CYB5R4: variants seen among roughly 807,000 people sequenced by gnomAD.
CYB5R4 encodes the protein N-terminal cytochrome b5 and cytochrome b5 oxidoreductase domain-containing protein.
Under a neutral mutation model 70.2 loss-of-function variants are expected in CYB5R4, and 55 were observed. That is an observed-to-expected ratio of 0.78 (90% CI 0.63 to 0.98). CYB5R4 has a LOEUF of 0.98. Among genes scored for constraint, CYB5R4 ranks in the 50% least tolerant of loss-of-function variants. The pLI is 0.00. For synonymous variants in CYB5R4, 197 were observed against 199.5 expected, an observed-to-expected ratio of 0.99 and a Z score of 0.11; for missense variants, 562 against 612.6, an observed-to-expected ratio of 0.92 and a Z score of 0.87.
intron 6 of CYB5R4, among the ~76,000 whole-genome samples, chr6:83,918,925 C>G (rs1190508550): frequency 6.6e-6 from 1 of 152,064 alleles, no homozygotes; most frequent in Non-Finnish European, 1.5e-5. Flanking sequence ...TGATCAATAG[C>G]TGTAACAAAA....
At chr6:83,889,543 G>A (rs1203369205) in intron 2 of CYB5R4, among the ~76,000 whole-genome samples, 1 of 152,176 alleles carries the variant, frequency 6.6e-6, no homozygotes, top group Non-Finnish European at 1.5e-5. Flanking sequence ...TCAATGTTGA[G>A]ACCTACTGCT....
In CYB5R4 at chr6:83,927,278, A is replaced by G. The variant is rs139442761; in HGVS notation, c.814+2686A>G. Among the ~76,000 whole-genome samples, 44 of 152,330 alleles carry G rather than the reference A, an allele frequency of 2.9e-4. 2 individuals are homozygous for G. The East Asian group carries it at 8.3e-3, about 29-fold the overall frequency. On this transcript the variant is annotated intron_variant, in intron 10 of 15. Transcript: ENST00000369681. ...TCTTACCGCTCCACTCAGAACACTA[A>G]AATGTGAGATTTCTTCTCACCAACA...
In CYB5R4 at chr6:83,908,753, A is replaced by T. The variant is rs574663539; in HGVS notation, c.331-256A>T. Reference sequence around the variant, plus strand: ...AACTTTTTATTAGTATTATCATGAAACAAATTGAGACCTCATGGAGACCTG... The same window carrying T: ...AACTTTTTATTAGTATTATCATGAATCAAATTGAGACCTCATGGAGACCTG... On this transcript the variant is annotated intron_variant, in intron 3 of 15. Transcript: ENST00000369681. Among the ~76,000 whole-genome samples the T allele has an allele frequency of 2.0e-5, 3 of 152,340 alleles. 1 individual carries two copies. Among genetic ancestry groups the T allele is most frequent in the Admixed American group, 2.0e-4 (3 of 15,300 alleles).
chr6:83,902,770 T>G (rs533599404), intron 3 of CYB5R4, among the ~76,000 whole-genome samples: 9 of 152,174 alleles, frequency 5.9e-5, no homozygotes, highest in Admixed American at 3.3e-4. Context: ...TCTGTAGCTT[T>G]CTTTCTTTCT....
intron 10 of CYB5R4, among the ~76,000 whole-genome samples, chr6:83,928,274 G>A (rs2099467642): frequency 6.6e-6 from 1 of 152,188 alleles, no homozygotes. Context: ...ATGAAACAGA[G>A]TATGGGAAAT....
At chr6:83,948,654 A>C (rs1282968466) in intron 14 of CYB5R4, among the ~76,000 whole-genome samples, 1 of 152,184 alleles carries the variant, frequency 6.6e-6, no homozygotes, top group African/African-American at 2.4e-5. Flanking sequence ...TTTTAGGAAT[A>C]GACATTGTAC....
Position 83,934,651 on chromosome 6 carries a change from A to G in CYB5R4, c.871A>G (p.Arg291Gly), listed in dbSNP as rs2099468650. ...CAAGGAAGATGTTACTCATGATACG[A>G]GGCTTTTCTGTTTGATGCTGCCACC... is the stretch of plus-strand genomic sequence containing the variant. ...ISKEDVTHDT[R>G]LFCLMLPPST... The change falls in exon 11 of 16, where the codon AGG becomes GGG. Residue 291 changes from arginine (R) to glycine (G), a missense_variant. Physicochemically the swap from Arg to Gly is moderately radical, Grantham distance 125. Transcript: ENST00000369681. 6.2e-7 allele frequency: 1 copy of G among 1,613,418 alleles called. No individual in the cohort carries two copies. Among genetic ancestry groups the G allele is most frequent in the Non-Finnish European group, 8.5e-7 (1 of 1,179,420 alleles).
At chr6:83,941,908 C>T (rs1306397786) in intron 14 of CYB5R4, among the ~76,000 whole-genome samples, 1 of 152,168 alleles carries the variant, frequency 6.6e-6, no homozygotes, top group Admixed American at 6.5e-5. Flanking sequence ...CCATTCTGCT[C>T]CTCACCAGCA....
chr6:83,926,632 G>A (rs1332135587), intron 10 of CYB5R4, among the ~76,000 whole-genome samples: 3 of 152,148 alleles, frequency 2.0e-5, no homozygotes, highest in Non-Finnish European at 2.9e-5. Flanking sequence ...ACATTCTGAA[G>A]TGTTGGGGGT....
intron 14 of CYB5R4, 147 bp from the exon 15 acceptor site, chr6:83,955,151 A>T: frequency 1.6e-6 from 1 of 609,186 alleles, no homozygotes; most frequent in Non-Finnish European, 2.6e-6. Context: ...TAAATCTTAC[A>T]ATTTTTTTCA....
chr6:83,933,508 A>T (rs1410033619), intron 10 of CYB5R4, among the ~76,000 whole-genome samples: 1 of 152,148 alleles, frequency 6.6e-6, no homozygotes, highest in Admixed American at 6.5e-5. Flanking sequence ...CACCTACTTG[A>T]ATATTTTTAG....
At chr6:83,955,150 C>A (rs923659242) in intron 14 of CYB5R4, 148 bp from the exon 15 acceptor site, 10 of 595,866 alleles carry the variant, frequency 1.7e-5, no homozygotes, top group African/African-American at 3.8e-5. Flanking sequence ...TTAAATCTTA[C>A]AATTTTTTTC....
chr6:83,916,416 GAAAC>G (rs1333433329), intron 5 of CYB5R4, among the ~76,000 whole-genome samples: 8 of 152,134 alleles, frequency 5.3e-5, no homozygotes, highest in Non-Finnish European at 1.0e-4. Context: ...TTCCAAAAGA[GAAAC>G]AACATTAATC....
rs2099456018 is a variant in CYB5R4 at position 83,861,974 on chromosome 6, C to T, written c.75+2117C>T. Among the ~76,000 whole-genome samples, 3 of 152,296 alleles carry T rather than the reference C, an allele frequency of 2.0e-5. No homozygotes were observed. In the South Asian group the frequency reaches 6.2e-4, roughly 32 times the overall value. ...TGTACATAGTTTAGTTTCCAAGCAC[C>T]TAGTGACTAGCTTAAGTGAAGGCTT... is the stretch of plus-strand genomic sequence containing the variant. On this transcript the variant is annotated intron_variant, in intron 1 of 15. Coordinates refer to ENST00000369681, the MANE Select transcript of CYB5R4 (RefSeq NM_016230.4).
intron 3 of CYB5R4, among the ~76,000 whole-genome samples, chr6:83,904,982 T>C (rs1008923631): frequency 6.6e-6 from 1 of 152,182 alleles, no homozygotes; most frequent in Non-Finnish European, 1.5e-5. Context: ...TCCTGTGTCC[T>C]TATGTTGATA....
Position 83,864,328 on chromosome 6 carries a change from G to A in CYB5R4, c.229G>A (p.Gly77Ser). The A allele has an allele frequency of 1.9e-6, 3 of 1,607,726 alleles. No individual in the cohort carries two copies. The highest frequency in any genetic ancestry group is 1.1e-5 in the South Asian group (1 of 89,618). Residue 77 changes from glycine to serine, a missense_variant and splice_region_variant, in exon 2 of 16, where the codon GGT (glycine) becomes AGT (serine). Gly to Ser is a moderately conservative substitution (Grantham distance 56). Coordinates refer to ENST00000369681, the MANE Select transcript of CYB5R4 (RefSeq NM_016230.4). ...AGATGATTGTTGGATATGCATAAGAGGTAGGTGGTATTTATTAAGTCCTTC... is the reference window on the plus strand; with the variant it reads ...AGATGATTGTTGGATATGCATAAGAAGTAGGTGGTATTTATTAAGTCCTTC... ...KKDDCWICIR[G>S]FVYNVSPYME... is the part of the protein sequence containing the mutation.
At chr6:83,903,558 C>T (rs1434314743) in intron 3 of CYB5R4, among the ~76,000 whole-genome samples, 1 of 151,772 alleles carries the variant, frequency 6.6e-6, no homozygotes, top group Non-Finnish European at 1.5e-5. Context: ...TAAATTGGGG[C>T]GAATTCCCTT....
In CYB5R4 at chr6:83,919,386, A is replaced by G. The variant is rs773657174; in HGVS notation, c.507-11A>G. ...AATATAATTATTCATCCTTTTATTT[A>G]TATTTTACAGCTATGATTGGTTCCA... On this transcript the variant is annotated splice_polypyrimidine_tract_variant and intron_variant, in intron 6 of 15. Coordinates refer to ENST00000369681, the MANE Select transcript of CYB5R4 (RefSeq NM_016230.4). 7.0e-7 allele frequency: 1 copy of G among 1,419,994 alleles called. No individual in the cohort carries two copies. The highest frequency in any genetic ancestry group is 9.7e-7 in the Non-Finnish European group (1 of 1,036,006). 88.0% of individuals were successfully genotyped at this position (1,419,994 alleles called of 1,614,324 possible).
intron 8 of CYB5R4, 102 bp from the exon 9 acceptor site, chr6:83,922,336 G>T: frequency 1.3e-6 from 1 of 769,464 alleles, no homozygotes; most frequent in Non-Finnish European, 2.0e-6. Context: ...TGTCTTGAGG[G>T]ATTTGAAATA....
Sources: allele counts gnomAD v4.1 joint callset (sites outside exome capture counted in the v4.1 genomes callset), GRCh38; gene constraint gnomAD v4.1.1; transcripts MANE v1.5; gene names NCBI Gene and HGNC (gene_info 2026-07-23, HGNC 2026-07-21).